Variants in WWP2 observed in about 807,000 individuals in gnomAD.
WWP2 encodes NEDD4-like E3 ubiquitin-protein ligase WWP2.
In WWP2, 57 loss-of-function variants were observed where a neutral mutation model predicts 121.0. The observed-to-expected ratio is 0.47, with a 90% CI of 0.38 to 0.59. The LOEUF (loss-of-function observed/expected upper bound fraction) is 0.59. Ranked by LOEUF, WWP2 falls within the 20% of genes least tolerant of loss-of-function variation. The pLI is 0.00. For missense variants in WWP2, 962 were observed against 1,158.9 expected (o/e 0.83, Z 2.47); for synonymous variants, 449 against 441.3 (o/e 1.02, Z -0.22).
intron 4 of WWP2, among the ~76,000 whole-genome samples, chr16:69,826,478 A>T (rs1032195433): frequency 6.6e-6 from 1 of 151,028 alleles, no homozygotes; most frequent in Admixed American, 6.6e-5. Context: ...AGGCTGAGAC[A>T]GGAGAATTGG....
At chr16:69,783,639 T>C (rs2055712638) in intron 1 of WWP2, among the ~76,000 whole-genome samples, 1 of 151,998 alleles carries the variant, frequency 6.6e-6, no homozygotes, top group African/African-American at 2.4e-5. Flanking sequence ...AAGGTATTAA[T>C]GATGTTGAAT....
chr16:69,931,460 A>T (rs1413730771), intron 14 of WWP2, 49 bp from the exon 15 acceptor site: 1 of 1,609,330 alleles, frequency 6.2e-7, no homozygotes, highest in Non-Finnish European at 8.5e-7. Flanking sequence ...AGGAGAACAG[A>T]TGACCACTTG....
intron 8 of WWP2, among the ~76,000 whole-genome samples, chr16:69,897,940 A>C (rs1339556849): frequency 1.3e-5 from 2 of 151,836 alleles, no homozygotes; most frequent in African/African-American, 2.4e-5. Flanking sequence ...CAAAACAAAA[A>C]AAACACAATG....
chr16:69,908,973 T>C, intron 9 of WWP2, 123 bp downstream of exon 9: 1 of 1,500,336 alleles, frequency 6.7e-7, no homozygotes, highest in Non-Finnish European at 8.9e-7. Flanking sequence ...TCCGGGTCAC[T>C]TGATTGCTTT....
intron 1 of WWP2, among the ~76,000 whole-genome samples, chr16:69,783,343 T>C (rs994759357): frequency 2.0e-5 from 3 of 152,012 alleles, no homozygotes; most frequent in African/African-American, 7.2e-5. Flanking sequence ...TATGGTGAAT[T>C]AATAACCATG....
rs2058760204 is a variant in WWP2 at position 69,934,095 on chromosome 16, C to T, written c.1808C>T (p.Thr603Ile). The change falls in exon 17 of 24, where the codon ACC becomes ATC. Residue 603 changes from threonine to isoleucine, a missense_variant. By Grantham distance (89) the Thr-to-Ile change is moderately conservative. Around this residue, in one of 3 missense-constraint regions of WWP2, gnomAD observed 606 missense variants for 772.6 expected, o/e 0.78. Coordinates refer to ENST00000359154, the MANE Select transcript of WWP2 (RefSeq NM_001270454.2). ...PASSINPDHL[T>I]YFRFIGRFIA... Reference sequence around the variant, plus strand: ...TCCTCCATCAACCCGGACCACCTCACCTACTTTCGCTTTATAGGCAGATTC... The same window carrying T: ...TCCTCCATCAACCCGGACCACCTCATCTACTTTCGCTTTATAGGCAGATTC... 1 of 1,614,098 alleles carries T rather than the reference C, an allele frequency of 6.2e-7. No homozygotes were observed.
rs147071430 is a variant in WWP2 at position 69,767,683 on chromosome 16, T to G, written c.-16+5292T>G. ...TACAGGGTTGTGCTGGAGGGGGCTATGTGGGGATTGATGCATCTGAGGGCT... is the reference window on the plus strand; with the variant it reads ...TACAGGGTTGTGCTGGAGGGGGCTAGGTGGGGATTGATGCATCTGAGGGCT... On this transcript the variant is annotated intron_variant, in intron 1 of 23. Transcript: ENST00000359154. Among the ~76,000 whole-genome samples the G allele has an allele frequency of 3.3e-5, 5 of 152,250 alleles. No individual in the cohort carries two copies. In the East Asian group the frequency reaches 7.7e-4, roughly 24 times the overall value.
At chr16:69,930,541 A>G (rs2058696646) in intron 13 of WWP2, among the ~76,000 whole-genome samples, 1 of 152,112 alleles carries the variant, frequency 6.6e-6, no homozygotes, top group Admixed American at 6.5e-5. Context: ...TACAAAAAAA[A>G]ATTAAAAATT....
intron 2 of WWP2, among the ~76,000 whole-genome samples, chr16:69,795,658 T>TG (rs1344708288): frequency 7.6e-6 from 1 of 131,234 alleles, no homozygotes; most frequent in Non-Finnish European, 1.6e-5. Flanking sequence ...GGTTTTTTTT[T>TG]TTTTTTTTTT....
At chr16:69,892,593 G>C (rs1164016212) in intron 8 of WWP2, among the ~76,000 whole-genome samples, 1 of 152,260 alleles carries the variant, frequency 6.6e-6, no homozygotes, top group East Asian at 1.9e-4. Context: ...GAGTGCAGTT[G>C]TGCAATCTTG....
intron 4 of WWP2, among the ~76,000 whole-genome samples, chr16:69,804,478 T>G (rs1268520523): frequency 6.6e-6 from 1 of 152,212 alleles, no homozygotes; most frequent in African/African-American, 2.4e-5. Context: ...CTTGAGTTGC[T>G]TCAGCTTATA....
At chr16:69,856,819 G>A (rs11648348) in intron 6 of WWP2, among the ~76,000 whole-genome samples, 80,060 of 151,764 alleles carry the variant, frequency 0.53, 21,706 homozygotes, top group East Asian at 0.9. Flanking sequence ...AACAAAACCC[G>A]TTTGGTGTGA....
chr16:69,793,810 C>G (rs1216807033), intron 2 of WWP2, among the ~76,000 whole-genome samples: 2 of 151,774 alleles, frequency 1.3e-5, no homozygotes, highest in African/African-American at 4.8e-5. Flanking sequence ...CTATACCTAC[C>G]TCTTATTAGA....
intron 8 of WWP2, among the ~76,000 whole-genome samples, chr16:69,899,160 T>C (rs1474950715): frequency 1.3e-5 from 2 of 152,254 alleles, no homozygotes; most frequent in Admixed American, 1.3e-4. Flanking sequence ...ATCTGTAATC[T>C]TTTTCATGTG....
intron 7 of WWP2, among the ~76,000 whole-genome samples, chr16:69,882,761 CT>C (rs1159767250): frequency 6.6e-6 from 1 of 152,172 alleles, no homozygotes; most frequent in Non-Finnish European, 1.5e-5. Context: ...TGCCCTCGCT[CT>C]CAAGATGGGT....
intron 8 of WWP2, among the ~76,000 whole-genome samples, chr16:69,908,556 G>A (rs2058333287): frequency 6.6e-6 from 1 of 152,222 alleles, no homozygotes; most frequent in Non-Finnish European, 1.5e-5. Flanking sequence ...TCCATACAGG[G>A]GAGCTATTAT....
intron 4 of WWP2, among the ~76,000 whole-genome samples, chr16:69,830,639 C>T (rs1289644679): frequency 6.6e-6 from 1 of 151,980 alleles, no homozygotes; most frequent in Non-Finnish European, 1.5e-5. Context: ...GTTGGGGGGC[C>T]GCGGGGAGGT....
chr16:69,925,283 G>T lies in WWP2; in HGVS notation c.1180-147G>T, dbSNP rs1002718525. 1.3e-5 allele frequency: 19 copies of T among 1,474,170 alleles called. No individual in the cohort carries two copies. In the African/African-American group the frequency reaches 2.1e-4, roughly 16 times the overall value. The allele number at this position is 1,474,170 out of a possible 1,614,324, so 91.3% of individuals were successfully genotyped here. A position where few individuals can be genotyped will look rare whatever the true frequency, so the allele number is the denominator to read the frequency against. ...AAAACAGAGACTTTTGAGAGGAGCA[G>T]ATGCCACCTAAAGTCCCACTGCATT... is the stretch of plus-strand genomic sequence containing the variant. On this transcript the variant is annotated intron_variant, in intron 10 of 23. Transcript: ENST00000359154. This position sits in a 1 kb window ranked among gnomAD's most constrained non-coding sequence, Gnocchi z 4.0.
At chr16:69,857,590 G>C (rs1317105759) in intron 6 of WWP2, among the ~76,000 whole-genome samples, 1 of 151,334 alleles carries the variant, frequency 6.6e-6, no homozygotes, top group East Asian at 1.9e-4. Flanking sequence ...TTTATATACA[G>C]CATGTCTATA....
Sources: allele counts gnomAD v4.1 joint callset (sites outside exome capture counted in the v4.1 genomes callset), GRCh38; gene constraint gnomAD v4.1.1; regional missense constraint gnomAD v4.1.1; non-coding constraint Gnocchi (gnomAD v3.1); transcripts MANE v1.5; gene names NCBI Gene and HGNC (gene_info 2026-07-23, HGNC 2026-07-21).